Variants in HSPA12A observed in about 807,000 individuals in gnomAD.
HSPA12A encodes heat shock 70 kDa protein 12A.
HSPA12A carries 28 observed loss-of-function variants against 69.2 expected under a neutral mutation model. That is an observed-to-expected ratio of 0.40 (90% confidence interval 0.30 to 0.55). HSPA12A has a LOEUF of 0.55. Ranked by LOEUF, HSPA12A falls within the 20% of genes least tolerant of loss-of-function variation. HSPA12A has a pLI of 0.38. For synonymous variants in HSPA12A, 345 were observed against 370.5 expected, an observed-to-expected ratio of 0.93 and a Z score of 0.79; for missense variants, 686 against 900.7, an observed-to-expected ratio of 0.76 and a Z score of 3.05.
rs531321832 is a variant in HSPA12A at position 116,758,640 on chromosome 10, A to G, written c.92-51355T>C. Among the ~76,000 whole-genome samples, 16 of 152,266 alleles carry G rather than the reference A, an allele frequency of 1.1e-4. No homozygotes were observed. In the South Asian group the frequency reaches 3.3e-3, roughly 32 times the overall value. ...TTTGTGTTTGTGTGCATGTGTATAC[A>G]TGTGTGATTGTGTGTGCATTTTAGA... On this transcript the variant is annotated intron_variant, in intron 2 of 12. Coordinates refer to the HSPA12A transcript ENST00000635765.
rs1554877139 is a variant in HSPA12A, at chr10:116,674,005, G to C, written c.*776C>G. On this transcript the variant is annotated 3_prime_UTR_variant, in exon 12 of 12. Coordinates refer to ENST00000369209, the MANE Select transcript of HSPA12A (RefSeq NM_025015.3). ...TTATGAACTCAGAAATCAGGGCTGG[G>C]CATGCTGGGAATTTATGTCACAGCA... 2 of 152,154 alleles carry C rather than the reference G, an allele frequency of 1.3e-5. No homozygotes were observed. The highest frequency in any genetic ancestry group is 4.8e-5 in the African/African-American group (2 of 41,424). The allele number at this position is 152,154 out of a possible 1,614,324, so 9.4% of individuals were successfully genotyped here.
intron 2 of HSPA12A, among the ~76,000 whole-genome samples, chr10:116,798,063 G>GCAGGA (rs55738014): frequency 1.3e-5 from 2 of 151,750 alleles, no homozygotes; most frequent in Non-Finnish European, 2.9e-5. Flanking sequence ...GAGAGGCAGG[G>GCAGGA]GCTGGGACCA....
At chr10:116,766,429 T>A (rs1844078413) in intron 2 of HSPA12A, among the ~76,000 whole-genome samples, 1 of 152,108 alleles carries the variant, frequency 6.6e-6, no homozygotes, top group African/African-American at 2.4e-5. Flanking sequence ...TTACTCACTT[T>A]CAAAAGCTCC....
chr10:116,688,419 T>C (rs1554879751), intron 6 of HSPA12A, among the ~76,000 whole-genome samples: 2 of 152,224 alleles, frequency 1.3e-5, no homozygotes, highest in Non-Finnish European at 1.5e-5. Flanking sequence ...AGAGCCTTCC[T>C]CTGTGATCAC....
chr10:116,684,040 C>T, intron 6 of HSPA12A, 78 bp from the exon 7 acceptor site: 1 of 1,292,010 alleles, frequency 7.7e-7, no homozygotes, highest in Non-Finnish European at 1.0e-6. Context: ...CCTGGACTGA[C>T]ATCCCTAAGG....
rs1157091444 is a variant in HSPA12A, at chr10:116,673,336, T to A, written c.*1445A>T. On this transcript the variant is annotated 3_prime_UTR_variant, in exon 12 of 12. Coordinates refer to ENST00000369209, the MANE Select transcript of HSPA12A (RefSeq NM_025015.3). ...CTTCCTGTGAGGGTTAAAAGGGCCA[T>A]CTCCAAGCCAGGTGGAGCCCCAATC... 1 of 151,858 alleles carries A rather than the reference T, an allele frequency of 6.6e-6. No homozygotes were observed. Among genetic ancestry groups the A allele is most frequent in the Non-Finnish European group, 1.5e-5 (1 of 67,970 alleles). 9.4% of individuals were successfully genotyped at this position (151,858 alleles called of 1,614,324 possible). A position where few individuals can be genotyped will look rare whatever the true frequency, so the allele number is the denominator to read the frequency against.
chr10:116,792,525 C>CCAAAGGGGGGGATCCCTTTGGGGATTA (rs1844720872), intron 2 of HSPA12A, among the ~76,000 whole-genome samples: 1 of 150,816 alleles, frequency 6.6e-6, no homozygotes, highest in South Asian at 2.1e-4. Context: ...GCCCGTAATC[C>CCAAAGGGGGGGATCCCTTTGGGGATTA]CAGCACTTTG....
intron 2 of HSPA12A, among the ~76,000 whole-genome samples, chr10:116,705,891 T>TC (rs201716739): frequency 3.3e-5 from 4 of 121,846 alleles, no homozygotes; most frequent in Non-Finnish European, 6.8e-5. Context: ...TTTCTCTCTC[T>TC]CCTTTTTTTT....
intron 2 of HSPA12A, among the ~76,000 whole-genome samples, chr10:116,803,498 C>T (rs567298066): frequency 6.6e-6 from 1 of 152,290 alleles, no homozygotes; most frequent in East Asian, 1.9e-4. Flanking sequence ...AGCACAAAAA[C>T]AATCACTCCC....
At chr10:116,805,469 T>C (rs1003641173) in intron 2 of HSPA12A, among the ~76,000 whole-genome samples, 1 of 152,088 alleles carries the variant, frequency 6.6e-6, no homozygotes, top group Non-Finnish European at 1.5e-5. Context: ...TTAACAATGA[T>C]GGGAAATTCA....
intron 2 of HSPA12A, among the ~76,000 whole-genome samples, chr10:116,775,409 C>T (rs190194072): frequency 1.5e-3 from 234 of 152,236 alleles, no homozygotes; most frequent in African/African-American, 5.4e-3. Flanking sequence ...CTGGGGAGGA[C>T]GGGGGCCAGC....
In HSPA12A at chr10:116,833,991, T is replaced by A. The variant is rs577532225; in HGVS notation, c.91+944A>T. Among the ~76,000 whole-genome samples the A allele has an allele frequency of 1.2e-4, 18 of 152,314 alleles. No homozygotes were observed. In the South Asian group the frequency reaches 2.5e-3, roughly 21 times the overall value. On this transcript the variant is annotated intron_variant, in intron 2 of 12. Coordinates refer to the HSPA12A transcript ENST00000635765. ...CCCAGAGATAACCCAAATTGCTGAT[T>A]TAGCGAAGCCCATTCTTGACCTTGA...
intron 2 of HSPA12A, among the ~76,000 whole-genome samples, chr10:116,811,295 G>A (rs890981759): frequency 6.6e-6 from 1 of 152,180 alleles, no homozygotes; most frequent in Non-Finnish European, 1.5e-5. Flanking sequence ...GAGAGAGACT[G>A]AGGCTGAGAC....
chr10:116,696,002 C>CAAAAAAAAAAAAAAAAA (rs71013609), intron 5 of HSPA12A, among the ~76,000 whole-genome samples: 624 of 32,698 alleles, frequency 0.019, 110 homozygotes, highest in African/African-American at 0.045. Context: ...GACTCCATCT[C>CAAAAAAAAAAAAAAAAA]AAAAAAAAAA....
intron 2 of HSPA12A, among the ~76,000 whole-genome samples, chr10:116,793,521 C>T (rs1315333051): frequency 6.6e-6 from 1 of 152,076 alleles, no homozygotes; most frequent in Non-Finnish European, 1.5e-5. Context: ...CAGTAAGCCA[C>T]GATCACACCA....
chr10:116,787,306 C>G (rs1210246826), intron 2 of HSPA12A, among the ~76,000 whole-genome samples: 1 of 152,108 alleles, frequency 6.6e-6, no homozygotes, highest in Non-Finnish European at 1.5e-5. Context: ...TCAACAGCAG[C>G]TCTTGCATTG....
intron 2 of HSPA12A, among the ~76,000 whole-genome samples, chr10:116,822,190 C>T (rs187535033): frequency 6.6e-6 from 1 of 152,356 alleles, no homozygotes; most frequent in Non-Finnish European, 1.5e-5. Context: ...CATACGGGAA[C>T]TGTCTCTCTC....
chr10:116,804,734 A>G (rs1024529518), intron 2 of HSPA12A, among the ~76,000 whole-genome samples: 1 of 152,100 alleles, frequency 6.6e-6, no homozygotes, highest in Non-Finnish European at 1.5e-5. Flanking sequence ...TTCCCTTCAA[A>G]ACCACTGGAG....
chr10:116,832,745 C>T (rs757901207), intron 2 of HSPA12A: 4 of 152,220 alleles, frequency 2.6e-5, no homozygotes, highest in South Asian at 4.1e-4. Context: ...CGCAGAACAG[C>T]GCATGGTCTC....
Sources: allele counts gnomAD v4.1 joint callset (sites outside exome capture counted in the v4.1 genomes callset), GRCh38; gene constraint gnomAD v4.1.1; transcripts MANE v1.5; gene names NCBI Gene and HGNC (gene_info 2026-07-23, HGNC 2026-07-21).